KIF16B: variants seen among roughly 807,000 people sequenced by gnomAD.
KIF16B encodes kinesin family member 16B.
KIF16B carries 98 observed loss-of-function variants against 156.3 expected under a neutral mutation model. That is an observed-to-expected ratio of 0.63 (90% CI 0.53 to 0.74). The LOEUF (loss-of-function observed/expected upper bound fraction) is 0.74, where lower values mean the gene tolerates loss of function less well. Among genes scored for constraint, KIF16B ranks in the 30% least tolerant of loss-of-function variants. The pLI is 0.00. For synonymous variants in KIF16B, 564 were observed against 583.7 expected (o/e 0.97, Z 0.49); for missense variants, 1,421 against 1,606.5 (o/e 0.88, Z 1.97).
Position 16,272,518 on chromosome 20 carries a change from C to G in KIF16B, c.*735G>C, listed in dbSNP as rs937436723. ...TTAGCAGAAAAAGCTCAAGAATGCA[C>G]AGTAGCCATTTAGATTTGGGAGAAT... On this transcript the variant is annotated 3_prime_UTR_variant, in exon 26 of 26. Coordinates refer to ENST00000354981, the MANE Select transcript of KIF16B (RefSeq NM_024704.5). 1 of 152,530 alleles carries G rather than the reference C, an allele frequency of 6.6e-6. No individual in the cohort carries two copies. Among genetic ancestry groups the G allele is most frequent in the South Asian group, 2.1e-4 (1 of 4,826 alleles). 9.4% of individuals were successfully genotyped at this position (152,530 alleles called of 1,614,324 possible).
intron 24 of KIF16B, 61 bp from the exon 25 acceptor site, chr20:16,312,479 A>G: frequency 8.3e-7 from 1 of 1,204,948 alleles, no homozygotes. Flanking sequence ...TTGGGCTATT[A>G]TTAATCTATT....
At chr20:16,517,663 TAAG>T (rs941920348) in intron 3 of KIF16B, among the ~76,000 whole-genome samples, 4 of 152,092 alleles carry the variant, frequency 2.6e-5, no homozygotes, top group African/African-American at 9.7e-5. Flanking sequence ...GAACTTCTCT[TAAG>T]AAGCAAAAGT....
At chr20:16,452,265 C>T (rs576512725) in intron 12 of KIF16B, among the ~76,000 whole-genome samples, 1 of 152,106 alleles carries the variant, frequency 6.6e-6, no homozygotes, top group Non-Finnish European at 1.5e-5. Flanking sequence ...AAAGAAGCTA[C>T]AGGATATTGA....
At chr20:16,431,199 G>A (rs2066489769) in intron 12 of KIF16B, among the ~76,000 whole-genome samples, 1 of 152,106 alleles carries the variant, frequency 6.6e-6, no homozygotes, top group South Asian at 2.1e-4. Context: ...CTGGGTTACT[G>A]TGATAATCTG....
intron 17 of KIF16B, 56 bp downstream of exon 17, chr20:16,404,757 G>T: frequency 7.5e-7 from 1 of 1,330,076 alleles, no homozygotes; most frequent in Non-Finnish European, 1.1e-6. Flanking sequence ...AATGGAGTTG[G>T]CACAATAAAT....
intron 12 of KIF16B, among the ~76,000 whole-genome samples, chr20:16,438,848 T>A (rs919858813): frequency 1.3e-5 from 2 of 152,198 alleles, no homozygotes; most frequent in Non-Finnish European, 2.9e-5. Flanking sequence ...ATGTTCTACA[T>A]CCCTGCAAAG....
intron 3 of KIF16B, among the ~76,000 whole-genome samples, chr20:16,520,916 C>T (rs1353856313): frequency 2.6e-5 from 4 of 152,138 alleles, no homozygotes; most frequent in Non-Finnish European, 5.9e-5. Context: ...CAGCAAACTC[C>T]AGCAGACCTG....
intron 12 of KIF16B, among the ~76,000 whole-genome samples, chr20:16,446,907 T>C (rs2066946204): frequency 6.6e-6 from 1 of 152,144 alleles, no homozygotes; most frequent in South Asian, 2.1e-4. Context: ...CTCACAATAA[T>C]CTATCCTGCA....
At chr20:16,336,405 G>A (rs2064038004) in intron 23 of KIF16B, among the ~76,000 whole-genome samples, 1 of 151,948 alleles carries the variant, frequency 6.6e-6, no homozygotes. Flanking sequence ...TTTTTCAGAG[G>A]GAGAATAATC....
At chr20:16,289,619 C>T (rs1037237091) in intron 25 of KIF16B, among the ~76,000 whole-genome samples, 5 of 151,744 alleles carry the variant, frequency 3.3e-5, no homozygotes, top group Non-Finnish European at 4.4e-5. Flanking sequence ...TTTGGTAGGC[C>T]GAGGCGGACG....
At chr20:16,419,583 G>T in intron 15 of KIF16B, among the ~76,000 whole-genome samples, 1 of 152,114 alleles carries the variant, frequency 6.6e-6, no homozygotes, top group South Asian at 2.1e-4. Flanking sequence ...ATGTGCCCAA[G>T]TATAAATTTC....
At chr20:16,460,860 C>T (rs1237748866) in intron 12 of KIF16B, among the ~76,000 whole-genome samples, 3 of 151,954 alleles carry the variant, frequency 2.0e-5, no homozygotes, top group African/African-American at 7.3e-5. Context: ...AAAATCCCCA[C>T]ACATCAAAAA....
intron 12 of KIF16B, among the ~76,000 whole-genome samples, chr20:16,458,586 G>T (rs1449878221): frequency 1.3e-5 from 2 of 152,076 alleles, no homozygotes; most frequent in African/African-American, 2.4e-5. Flanking sequence ...TCCAAAAATG[G>T]CATGCAATTC....
At chr20:16,455,912 C>G (rs2067199822) in intron 12 of KIF16B, among the ~76,000 whole-genome samples, 1 of 152,122 alleles carries the variant, frequency 6.6e-6, no homozygotes, top group South Asian at 2.1e-4. Flanking sequence ...ATACAGTAAT[C>G]AAAGACACTC....
At chr20:16,279,083 G>A (rs1374971626) in intron 25 of KIF16B, among the ~76,000 whole-genome samples, 1 of 152,168 alleles carries the variant, frequency 6.6e-6, no homozygotes, top group Non-Finnish European at 1.5e-5. Context: ...ACAGTGCCTT[G>A]GTGGGCACTG....
At position 16,367,911 on chromosome 20, in the gene KIF16B, A is replaced by G; in HGVS notation, c.3498+2675T>C. 10 of 1,474,300 alleles carry G rather than the reference A, an allele frequency of 6.8e-6. No individual in the cohort carries two copies. The South Asian group carries it at 1.4e-4, about 21-fold the overall frequency. 91.3% of individuals were successfully genotyped at this position (1,474,300 alleles called of 1,614,324 possible). On this transcript the variant is annotated intron_variant, in intron 22 of 25. Coordinates refer to ENST00000354981, the MANE Select transcript of KIF16B (RefSeq NM_024704.5). ...TCAGGAATCGAACACTCTGTCCACC[A>G]AAGCCAATCTGAATCTCCTGTAGAC...
intron 18 of KIF16B, among the ~76,000 whole-genome samples, chr20:16,380,679 G>A (rs1268264419): frequency 1.3e-5 from 2 of 152,146 alleles, no homozygotes; most frequent in African/African-American, 4.8e-5. Context: ...ACTAGTTTGG[G>A]ACAAATGGTG....
intron 1 of KIF16B, among the ~76,000 whole-genome samples, chr20:16,537,640 C>T (rs1286898193): frequency 6.6e-6 from 1 of 151,982 alleles, no homozygotes; most frequent in African/African-American, 2.4e-5. Context: ...TTCTTGCCTT[C>T]CCACATACTA....
intron 2 of KIF16B, 138 bp downstream of exon 2, chr20:16,528,233 G>C: frequency 1.6e-6 from 1 of 644,780 alleles, no homozygotes; most frequent in Non-Finnish European, 2.7e-6. Flanking sequence ...CCCAAGCCAG[G>C]TGCAAGCTGA....
Sources: allele counts gnomAD v4.1 joint callset (sites outside exome capture counted in the v4.1 genomes callset), GRCh38; gene constraint gnomAD v4.1.1; transcripts MANE v1.5; gene names NCBI Gene and HGNC (gene_info 2026-07-23, HGNC 2026-07-21).